The following ABTB3 variants were observed in gnomAD, a reference collection of about 807,000 sequenced individuals.
ABTB3 encodes ankyrin repeat- and BTB/POZ domain-containing protein 3.
the ABTB3 span, among the ~76,000 whole-genome samples, chr12:107,539,102 A>C: frequency 6.6e-6 from 1 of 152,114 alleles, no homozygotes; most frequent in African/African-American, 2.4e-5. Flanking sequence ...TGATATAATA[A>C]TGCTCACCTT....
At chr12:107,560,766 C>G in the ABTB3 span, among the ~76,000 whole-genome samples, 1 of 152,194 alleles carries the variant, frequency 6.6e-6, no homozygotes, top group Non-Finnish European at 1.5e-5. Context: ...CATCAGAAAG[C>G]AAGTTTTGAG....
At chr12:107,412,911 A>G in the ABTB3 span, among the ~76,000 whole-genome samples, 1,476 of 152,214 alleles carry the variant, frequency 9.7e-3, 20 homozygotes, top group African/African-American at 0.033. Flanking sequence ...ACAACCCTGG[A>G]GCTCCAGATG....
the ABTB3 span, among the ~76,000 whole-genome samples, chr12:107,547,822 T>C: frequency 6.6e-6 from 1 of 152,218 alleles, no homozygotes; most frequent in Non-Finnish European, 1.5e-5. Flanking sequence ...GAGACTGATG[T>C]GAGCAATGAA....
At chr12:107,343,501 C>T in the ABTB3 span, among the ~76,000 whole-genome samples, 10 of 152,250 alleles carry the variant, frequency 6.6e-5, no homozygotes, top group African/African-American at 2.2e-4. Context: ...TTGGCCAATC[C>T]GATGCCACAA....
At chr12:107,494,395 G>A in the ABTB3 span, among the ~76,000 whole-genome samples, 6 of 152,300 alleles carry the variant, frequency 3.9e-5, 1 homozygote, top group Admixed American at 3.9e-4. Flanking sequence ...CAGGGATCTG[G>A]GAAGGCAGGA....
the ABTB3 span, among the ~76,000 whole-genome samples, chr12:107,632,227 G>C: frequency 6.6e-6 from 1 of 152,182 alleles, no homozygotes; most frequent in Admixed American, 6.5e-5. Flanking sequence ...CACCACCGCT[G>C]TCCGCCAAAA....
chr12:107,479,016 C>T, the ABTB3 span, among the ~76,000 whole-genome samples: 1 of 152,162 alleles, frequency 6.6e-6, no homozygotes, highest in Non-Finnish European at 1.5e-5. Flanking sequence ...CTCCTTTTCC[C>T]TCCTTCCCAT....
At chr12:107,520,051 AC>A in the ABTB3 span, among the ~76,000 whole-genome samples, 2 of 152,090 alleles carry the variant, frequency 1.3e-5, no homozygotes, top group African/African-American at 4.8e-5. Context: ...TGTTGAACAA[AC>A]AAAGTGAGCC....
chr12:107,514,954 T>C, the ABTB3 span, among the ~76,000 whole-genome samples: 1 of 152,228 alleles, frequency 6.6e-6, no homozygotes, highest in African/African-American at 2.4e-5. Context: ...AGTTAACATA[T>C]GTTGGGAACC....
At chr12:107,433,563 C>T in the ABTB3 span, among the ~76,000 whole-genome samples, 18 of 152,184 alleles carry the variant, frequency 1.2e-4, no homozygotes, top group Non-Finnish European at 2.1e-4. Context: ...TGCCACTCTG[C>T]GTGTGTCAGG....
chr12:107,335,967 C>A, the ABTB3 span, among the ~76,000 whole-genome samples: 3 of 152,216 alleles, frequency 2.0e-5, no homozygotes, highest in Non-Finnish European at 2.9e-5. Flanking sequence ...CTCCCTTCCT[C>A]CTCCTGCCCC....
the ABTB3 span, among the ~76,000 whole-genome samples, chr12:107,579,610 CTT>C: frequency 1.3e-5 from 2 of 152,214 alleles, no homozygotes; most frequent in Non-Finnish European, 2.9e-5. Context: ...CCACCAAAAA[CTT>C]TCTGGGAAGC....
At chr12:107,375,422 AATCATCATCATCATCATC>A in the ABTB3 span, among the ~76,000 whole-genome samples, 32 of 148,390 alleles carry the variant, frequency 2.2e-4, 1 homozygote, top group South Asian at 1.3e-3. Flanking sequence ...TGGTGTCAGA[AATCATCATCATCATCATC>A]ATCATCATCA....
At chr12:107,600,773 A>G in the ABTB3 span, among the ~76,000 whole-genome samples, 6 of 152,348 alleles carry the variant, frequency 3.9e-5, no homozygotes, top group Non-Finnish European at 5.9e-5. Context: ...GACCCAGATG[A>G]ATGAGAACAG....
At chr12:107,629,167 C>T in the ABTB3 span, among the ~76,000 whole-genome samples, 10 of 152,076 alleles carry the variant, frequency 6.6e-5, no homozygotes, top group South Asian at 6.2e-4. Context: ...CTGTAATCCC[C>T]GCACTTTGAG....
chr12:107,414,915 T>C, the ABTB3 span, among the ~76,000 whole-genome samples: 4 of 152,074 alleles, frequency 2.6e-5, no homozygotes, highest in East Asian at 3.9e-4. Context: ...GATTTCACCA[T>C]GTTGGCCAGG....
the ABTB3 span, among the ~76,000 whole-genome samples, chr12:107,451,042 T>C: frequency 6.6e-6 from 1 of 152,154 alleles, no homozygotes; most frequent in Non-Finnish European, 1.5e-5. Context: ...AATTCAGCAT[T>C]AGAAACGGTG....
chr12:107,352,967 G>A, the ABTB3 span, among the ~76,000 whole-genome samples: 1 of 152,136 alleles, frequency 6.6e-6, no homozygotes, highest in Non-Finnish European at 1.5e-5. Flanking sequence ...TGTGGAGAGG[G>A]TAAGTATTTT....
chr12:107,497,680 C>A, the ABTB3 span, among the ~76,000 whole-genome samples: 2 of 152,312 alleles, frequency 1.3e-5, no homozygotes, highest in Admixed American at 1.3e-4. Context: ...AGGCATTTCT[C>A]GCAATCATTC....
Sources: gnomAD v4.1 joint callset for allele counts (sites outside exome capture counted in the v4.1 genomes callset) on GRCh38, gnomAD v4.1.1 for gene constraint, MANE v1.5 for transcripts, NCBI Gene and HGNC (gene_info 2026-07-23, HGNC 2026-07-21) for gene names.